UNC79: variants seen among roughly 807,000 people sequenced by gnomAD.
UNC79 encodes the protein protein unc-79 homolog.
In UNC79, 37 loss-of-function variants were observed where a neutral mutation model predicts 283.1. The observed-to-expected ratio is 0.13, with a 90% CI of 0.10 to 0.17. UNC79 has a LOEUF of 0.17. Among genes scored for constraint, UNC79 ranks in the 10% least tolerant of loss-of-function variants. UNC79 has a pLI of 1.00. For synonymous variants in UNC79, 1,107 were observed against 1,200.2 expected (o/e 0.92, Z 1.61); for missense variants, 2,272 against 3,211.1 (o/e 0.71, Z 7.07).
chr14:93,666,040 ATAG>A (rs1484359263), intron 40 of UNC79, among the ~76,000 whole-genome samples: 6 of 137,682 alleles, frequency 4.4e-5, no homozygotes, highest in African/African-American at 1.7e-4. Flanking sequence ...ATACTAGAAA[ATAG>A]TACTCTGTAA....
intron 22 of UNC79, among the ~76,000 whole-genome samples, chr14:93,587,499 G>A (rs2064304897): frequency 6.6e-6 from 1 of 152,132 alleles, no homozygotes; most frequent in South Asian, 2.1e-4. Context: ...GATTGGTTCA[G>A]GTTAACTTGA....
intron 47 of UNC79, among the ~76,000 whole-genome samples, chr14:93,702,950 C>T (rs2075636465): frequency 6.6e-6 from 1 of 152,238 alleles, no homozygotes. Flanking sequence ...CTGTCTGGAG[C>T]ACTGTTTTGC....
intron 1 of UNC79, among the ~76,000 whole-genome samples, chr14:93,404,493 A>AAAAAAAAAAT: frequency 0.068 from 4,174 of 61,642 alleles, 376 homozygotes; most frequent in Non-Finnish European, 0.094. Context: ...TTCTAAAAAA[A>AAAAAAAAAAT]ATATATATAT....
At position 93,474,126 on chromosome 14, in the gene UNC79, G is replaced by A; in HGVS notation, c.181G>A (p.Ala61Thr). ...CACAGGGAAGAAGGAAAACCAAGATGCCTCCAATTTGACAGTGCCCATGAC... is the reference window on the plus strand; with the variant it reads ...CACAGGGAAGAAGGAAAACCAAGATACCTCCAATTTGACAGTGCCCATGAC... Residue 61 changes from alanine to threonine, a missense_variant, in exon 3 of 49, where the codon GCC becomes ACC. Around this residue, in one of 11 missense-constraint regions of UNC79, gnomAD observed 194 missense variants for 268.9 expected, o/e 0.72. Coordinates refer to ENST00000555664, the Ensembl canonical transcript of UNC79. This position sits in a 1 kb window ranked among gnomAD's most constrained non-coding sequence, Gnocchi z 4.1. 1 of 1,535,976 alleles carries A rather than the reference G, an allele frequency of 6.5e-7. No individual in the cohort carries two copies. Among genetic ancestry groups the A allele is most frequent in the Non-Finnish European group, 8.7e-7 (1 of 1,146,818 alleles).
exon 19 of UNC79, chr14:93,580,217 T>G (rs768513044): frequency 1.9e-6 from 3 of 1,614,058 alleles, no homozygotes; most frequent in Non-Finnish European, 2.5e-6. Context: ...TTATTTCTAT[T>G]ATAAACAATG....
intron 7 of UNC79, among the ~76,000 whole-genome samples, chr14:93,511,195 G>T (rs767946226): frequency 6.6e-6 from 1 of 152,084 alleles, no homozygotes; most frequent in Non-Finnish European, 1.5e-5. Context: ...CCACTCCCAC[G>T]ATCTAGTCAC....
exon 27 of UNC79, chr14:93,612,890 T>C: frequency 6.2e-7 from 1 of 1,613,844 alleles, no homozygotes; most frequent in Non-Finnish European, 8.5e-7. Context: ...CTGATTACAG[T>C]GCTCATGAAG....
intron 26 of UNC79, among the ~76,000 whole-genome samples, chr14:93,604,593 A>T (rs1478338768): frequency 1.3e-5 from 2 of 152,220 alleles, no homozygotes; most frequent in Non-Finnish European, 2.9e-5. Context: ...CAAATTTTAT[A>T]TGAGTTTCCC....
chr14:93,702,443 G>A (rs2075600290), intron 47 of UNC79, among the ~76,000 whole-genome samples: 1 of 152,200 alleles, frequency 6.6e-6, no homozygotes, highest in Non-Finnish European at 1.5e-5. Flanking sequence ...AGGAGTAAAT[G>A]TCAATAGAAG....
At chr14:93,524,302 G>A (rs11625871) in intron 8 of UNC79, among the ~76,000 whole-genome samples, 46,748 of 152,096 alleles carry the variant, frequency 0.31, 7,558 homozygotes, top group East Asian at 0.65. Flanking sequence ...AAGGATCCTA[G>A]TAAAATGCTT....
At chr14:93,564,502 G>A (rs748005379) in intron 14 of UNC79, among the ~76,000 whole-genome samples, 31 of 152,200 alleles carry the variant, frequency 2.0e-4, no homozygotes, top group Non-Finnish European at 2.6e-4. Context: ...GAGAATAAAC[G>A]TTGAAGGAGC....
intron 27 of UNC79, 110 bp downstream of exon 28, chr14:93,613,193 G>C: frequency 7.0e-7 from 1 of 1,429,862 alleles, no homozygotes; most frequent in Non-Finnish European, 9.5e-7. Flanking sequence ...TGTACAAATT[G>C]CTTGGTATTA....
chr14:93,553,250 GA>G (rs1038995492), intron 14 of UNC79, among the ~76,000 whole-genome samples: 1 of 152,090 alleles, frequency 6.6e-6, no homozygotes, highest in South Asian at 2.1e-4. Context: ...GTTTAAAAGG[GA>G]AAAAAGTTTT....
chr14:93,379,803 C>A (rs183994193), intron 1 of UNC79, among the ~76,000 whole-genome samples: 3 of 152,110 alleles, frequency 2.0e-5, no homozygotes, highest in African/African-American at 7.2e-5. Flanking sequence ...GAAATCACTA[C>A]TAAAGAACTT....
At chr14:93,398,161 G>C (rs1035955357) in intron 1 of UNC79, among the ~76,000 whole-genome samples, 1 of 152,136 alleles carries the variant, frequency 6.6e-6, no homozygotes, top group African/African-American at 2.4e-5. Flanking sequence ...TGGCTGTTCT[G>C]TTTTACAAGA....
intron 29 of UNC79, among the ~76,000 whole-genome samples, chr14:93,618,639 G>A (rs1365099601): frequency 1.3e-5 from 2 of 152,160 alleles, no homozygotes; most frequent in Non-Finnish European, 2.9e-5. Flanking sequence ...CTTTTCTTAC[G>A]TGTTAGAAGC....
intron 14 of UNC79, among the ~76,000 whole-genome samples, chr14:93,570,643 C>A (rs1422650098): frequency 6.6e-6 from 1 of 152,086 alleles, no homozygotes; most frequent in Non-Finnish European, 1.5e-5. Flanking sequence ...ATTAAGGGAG[C>A]GTTTTAGGCT....
chr14:93,572,608 G>C, intron 15 of UNC79, 85 bp from the exon 16 acceptor site: 1 of 1,565,548 alleles, frequency 6.4e-7, no homozygotes, highest in Non-Finnish European at 8.6e-7. Flanking sequence ...TCTCCAAATA[G>C]GGAATAGTTA....
chr14:93,352,896 A>C (rs1330049488), intron 1 of UNC79, among the ~76,000 whole-genome samples: 2 of 152,246 alleles, frequency 1.3e-5, no homozygotes, highest in African/African-American at 4.8e-5. Context: ...AGCCTACCTT[A>C]AACGTGCTCA....
Sources: gnomAD v4.1 joint callset for allele counts (sites outside exome capture counted in the v4.1 genomes callset) on GRCh38, gnomAD v4.1.1 for gene constraint, gnomAD v4.1.1 regional missense constraint, Gnocchi (gnomAD v3.1) non-coding constraint, MANE v1.5 for transcripts, NCBI Gene and HGNC (gene_info 2026-07-23, HGNC 2026-07-21) for gene names.